Variants in FRMD6 observed in about 807,000 individuals in gnomAD.
FRMD6 encodes FERM domain-containing protein 6.
A neutral mutation model predicts 73.2 loss-of-function variants in FRMD6; 37 were observed. The observed-to-expected ratio is 0.51, with a 90% CI of 0.39 to 0.66. The LOEUF (loss-of-function observed/expected upper bound fraction) is 0.66, where lower values mean the gene tolerates loss of function less well. FRMD6 is among the 30% of genes least tolerant of loss of function. The probability of loss-of-function intolerance (pLI) is 0.00; values close to 1 mark genes in which losing one functional copy is unlikely to be tolerated. For missense variants in FRMD6, 714 were observed against 780.5 expected, an observed-to-expected ratio of 0.91 and a Z score of 1.02; for synonymous variants, 273 against 282.2, an observed-to-expected ratio of 0.97 and a Z score of 0.33.
At chr14:51,485,100 G>C (rs1019901905), upstream of FRMD6, among the ~76,000 whole-genome samples, 1 of 152,218 alleles carries the variant, frequency 6.6e-6, no homozygotes, top group African/African-American at 2.4e-5. Context: ...ATTTAACCAA[G>C]CTCAAAAGTG....
At chr14:51,504,565 T>A (rs1596506381) in intron 1 of FRMD6, among the ~76,000 whole-genome samples, 1 of 152,362 alleles carries the variant, frequency 6.6e-6, no homozygotes, top group Non-Finnish European at 1.5e-5. Context: ...GAAATCCTTA[T>A]TCTGGCCTGA....
intron 3 of FRMD6, among the ~76,000 whole-genome samples, chr14:51,699,194 GA>G (rs912405264): frequency 1.3e-5 from 2 of 152,046 alleles, no homozygotes; most frequent in Admixed American, 1.3e-4. Context: ...AGAGGCTAAA[GA>G]GCATGGAGCA....
the FRMD6 span, among the ~76,000 whole-genome samples, chr14:51,422,721 G>A: frequency 1.4e-4 from 21 of 152,238 alleles, no homozygotes; most frequent in African/African-American, 4.8e-4. Flanking sequence ...AGGCAAATCA[G>A]TTTTCAATCC....
At chr14:51,715,550 G>A in intron 10 of FRMD6, 51 bp downstream of exon 10, 1 of 1,473,676 alleles carries the variant, frequency 6.8e-7, no homozygotes, top group Non-Finnish European at 9.1e-7. Context: ...GCCACCTGTG[G>A]CCTCTTACTC....
At chr14:51,426,388 A>G in the FRMD6 span, among the ~76,000 whole-genome samples, 13,149 of 151,598 alleles carry the variant, frequency 0.087, 603 homozygotes, top group East Asian at 0.12. Flanking sequence ...CCCACTCCCC[A>G]CTAGAATTAG....
At chr14:51,719,149 A>G (rs1684906508) in intron 10 of FRMD6, among the ~76,000 whole-genome samples, 2 of 152,250 alleles carry the variant, frequency 1.3e-5, no homozygotes, top group African/African-American at 2.4e-5. Context: ...CCTGAAAGAC[A>G]AGAATAATAT....
At chr14:51,502,338 C>T (rs1883672703) in intron 1 of FRMD6, among the ~76,000 whole-genome samples, 1 of 152,138 alleles carries the variant, frequency 6.6e-6, no homozygotes, top group Non-Finnish European at 1.5e-5. Flanking sequence ...TTGGGTTTTA[C>T]ATTTAAGTCT....
At chr14:51,571,077 A>G (rs566713234) in intron 2 of FRMD6, among the ~76,000 whole-genome samples, 1 of 152,336 alleles carries the variant, frequency 6.6e-6, no homozygotes, top group South Asian at 2.1e-4. Flanking sequence ...AATTAACATA[A>G]TTAACATCCA....
the FRMD6 span, among the ~76,000 whole-genome samples, chr14:51,402,553 A>G: frequency 6.6e-6 from 1 of 151,916 alleles, no homozygotes; most frequent in Non-Finnish European, 1.5e-5. Context: ...TATGATTGTG[A>G]GGCTTCCCCA....
chr14:51,645,705 C>A (rs1428533281), intron 2 of FRMD6, among the ~76,000 whole-genome samples: 1 of 152,088 alleles, frequency 6.6e-6, no homozygotes, highest in Non-Finnish European at 1.5e-5. Context: ...CTGCCTTGGC[C>A]TCCCAAAGTG....
chr14:51,513,294 C>G (rs1361366555), intron 1 of FRMD6, among the ~76,000 whole-genome samples: 3 of 152,226 alleles, frequency 2.0e-5, no homozygotes, highest in Non-Finnish European at 2.9e-5. Context: ...GCTGCATTTC[C>G]TGATCTCTCA....
rs371915919 is a variant in FRMD6, at chr14:51,628,877, C to CTTTTTTT, written c.-147+58478_-147+58484dup. 2.4e-3 allele frequency among the ~76,000 whole-genome samples: 226 copies of CTTTTTTT among 95,278 alleles called. 1 individual carries two copies. Among genetic ancestry groups the CTTTTTTT allele is most frequent in the African/African-American group, 3.0e-3 (73 of 24,308 alleles). 62.5% of individuals were successfully genotyped at this position (95,278 alleles called of 152,430 possible). The stretch of plus-strand genomic sequence containing the variant: ...TGCATCTACCTTTTTCTTTTCTTTT[C>CTTTTTTT]TTTTTTTTTTTTTTTTTGAGACGGA... On this transcript the variant is annotated intron_variant, in intron 2 of 14. Coordinates refer to the FRMD6 transcript ENST00000356218.
the FRMD6 span, among the ~76,000 whole-genome samples, chr14:51,430,915 G>A: frequency 2.1e-4 from 32 of 152,148 alleles, no homozygotes; most frequent in African/African-American, 7.5e-4. Flanking sequence ...AATGGGAACC[G>A]CTAAAGACAG....
At chr14:51,424,668 G>A in the FRMD6 span, among the ~76,000 whole-genome samples, 1 of 152,102 alleles carries the variant, frequency 6.6e-6, no homozygotes, top group African/African-American at 2.4e-5. Flanking sequence ...TCCTCCCTGT[G>A]GCTTTGTTGT....
chr14:51,593,698 C>T (rs770031499), intron 2 of FRMD6, among the ~76,000 whole-genome samples: 3 of 152,106 alleles, frequency 2.0e-5, no homozygotes, highest in African/African-American at 7.2e-5. Context: ...TGCTGGAGTT[C>T]GTGGGCTTCA....
intron 1 of FRMD6, among the ~76,000 whole-genome samples, chr14:51,512,581 ACCT>A (rs1198457961): frequency 6.6e-6 from 1 of 150,696 alleles, no homozygotes; most frequent in Non-Finnish European, 1.5e-5. Flanking sequence ...GGAAGTCACA[ACCT>A]CCTTCTGATA....
At chr14:51,658,051 A>C (rs1379567876) in intron 1 of FRMD6, among the ~76,000 whole-genome samples, 1 of 152,202 alleles carries the variant, frequency 6.6e-6, no homozygotes, top group Admixed American at 6.5e-5. Flanking sequence ...AGGGCTACCA[A>C]CTGTAGCTGT....
intron 12 of FRMD6, among the ~76,000 whole-genome samples, chr14:51,725,121 G>A (rs1897876833): frequency 6.6e-6 from 1 of 152,182 alleles, no homozygotes; most frequent in Non-Finnish European, 1.5e-5. Flanking sequence ...TGTGAACTGA[G>A]TGTATCCATG....
At chr14:51,581,720 A>G (rs1888736621) in intron 2 of FRMD6, among the ~76,000 whole-genome samples, 1 of 152,236 alleles carries the variant, frequency 6.6e-6, no homozygotes, top group Admixed American at 6.5e-5. Context: ...TTGGCATCAC[A>G]TTCTACCATG....
Sources: gnomAD v4.1 joint callset for allele counts (sites outside exome capture counted in the v4.1 genomes callset) on GRCh38, gnomAD v4.1.1 for gene constraint, MANE v1.5 for transcripts, NCBI Gene and HGNC (gene_info 2026-07-23, HGNC 2026-07-21) for gene names.